Variants in PDZD2 observed in about 807,000 individuals in gnomAD.
PDZD2 encodes the protein PDZ domain containing 2.
Under a neutral mutation model 220.7 loss-of-function variants are expected in PDZD2, and 90 were observed. The ratio of observed to expected loss-of-function variants is 0.41; its 90% CI spans 0.34 to 0.49. The LOEUF is 0.49. Among genes scored for constraint, PDZD2 ranks in the 20% least tolerant of loss-of-function variants. The probability of loss-of-function intolerance (pLI) is 0.28; values close to 1 mark genes in which losing one functional copy is unlikely to be tolerated. For missense variants in PDZD2, 3,174 were observed against 3,608.5 expected (o/e 0.88, Z 3.08); for synonymous variants, 1,375 against 1,450.5 (o/e 0.95, Z 1.18).
chr5:32,007,796 G>A (rs907876922), intron 5 of PDZD2, among the ~76,000 whole-genome samples: 1 of 152,118 alleles, frequency 6.6e-6, no homozygotes, highest in South Asian at 2.1e-4. Flanking sequence ...CCATGGATTC[G>A]CTCTAGAGCC....
chr5:32,072,998 A>G (rs1426042726), intron 17 of PDZD2, among the ~76,000 whole-genome samples: 2 of 149,006 alleles, frequency 1.3e-5, no homozygotes, highest in Non-Finnish European at 3.0e-5. Context: ...AAGAACTCAT[A>G]AGAGACATAT....
At chr5:31,908,082 C>CAAAAAAAAAAAAAAAAA (rs55741622) in intron 2 of PDZD2, among the ~76,000 whole-genome samples, 1 of 76,886 alleles carries the variant, frequency 1.3e-5, no homozygotes, top group African/African-American at 5.4e-5. Flanking sequence ...GGCTCCGTCT[C>CAAAAAAAAAAAAAAAAA]AAAAAAAAAA....
At chr5:31,879,973 G>A (rs1218783731) in intron 2 of PDZD2, among the ~76,000 whole-genome samples, 2 of 148,292 alleles carry the variant, frequency 1.3e-5, no homozygotes, top group Non-Finnish European at 3.0e-5. Context: ...GAGTGCAATG[G>A]CACGATCTCA....
chr5:31,836,729 A>G (rs189457459), intron 2 of PDZD2, among the ~76,000 whole-genome samples: 9 of 152,138 alleles, frequency 5.9e-5, no homozygotes, highest in African/African-American at 2.2e-4. Flanking sequence ...AGTAAAATAA[A>G]TTATGTAGGC....
At chr5:31,805,190 T>C (rs888531221) in intron 2 of PDZD2, among the ~76,000 whole-genome samples, 1 of 152,186 alleles carries the variant, frequency 6.6e-6, no homozygotes, top group African/African-American at 2.4e-5. Flanking sequence ...AGAGCAAGAC[T>C]CTGTCTCAAA....
chr5:31,787,377 A>C lies in PDZD2; in HGVS notation c.-360-11512A>C, dbSNP rs561123273. On this transcript the variant is annotated intron_variant, in intron 1 of 24. Coordinates refer to ENST00000438447, the MANE Select transcript of PDZD2 (RefSeq NM_178140.4). ...TGACATCCTGAGTAAACAGTCTTAA[A>C]CCGCAGAGCTCACAGTTGAAGCCAC... Among the ~76,000 whole-genome samples, 17 of 152,342 alleles carry C rather than the reference A, an allele frequency of 1.1e-4. 1 individual carries two copies. In the South Asian group the frequency reaches 3.5e-3, roughly 32 times the overall value.
At chr5:31,822,451 T>G (rs1225154853) in intron 2 of PDZD2, 1 of 401,120 alleles carries the variant, frequency 2.5e-6, no homozygotes, top group Non-Finnish European at 4.7e-6. Flanking sequence ...TTTTATAGTT[T>G]TTTTTTTCCC....
At chr5:31,876,702 A>AT (rs1451919062) in intron 2 of PDZD2, among the ~76,000 whole-genome samples, 3 of 152,202 alleles carry the variant, frequency 2.0e-5, no homozygotes, top group African/African-American at 4.8e-5. Context: ...CTTCAATACT[A>AT]TTTTGAAATA....
intron 2 of PDZD2, among the ~76,000 whole-genome samples, chr5:31,979,123 C>T (rs1024933307): frequency 5.9e-5 from 9 of 152,178 alleles, no homozygotes; most frequent in African/African-American, 2.2e-4. Context: ...GAAAAGGTCT[C>T]TGCATACCAC....
At chr5:31,720,916 G>A (rs1050572521) in intron 1 of PDZD2, among the ~76,000 whole-genome samples, 1 of 152,182 alleles carries the variant, frequency 6.6e-6, no homozygotes, top group Non-Finnish European at 1.5e-5. Context: ...TTGAAGAATA[G>A]GGGTTCTGGT....
At chr5:31,813,112 T>TTA (rs1407342710) in intron 2 of PDZD2, among the ~76,000 whole-genome samples, 2 of 152,160 alleles carry the variant, frequency 1.3e-5, no homozygotes, top group Non-Finnish European at 2.9e-5. Context: ...CTTACGGTAA[T>TTA]ACTTGACGAC....
chr5:31,850,619 C>T (rs144795354), intron 2 of PDZD2, among the ~76,000 whole-genome samples: 35 of 148,478 alleles, frequency 2.4e-4, no homozygotes, highest in Non-Finnish European at 3.6e-4. Context: ...GTCGTCTTTA[C>T]ATTGTACCCA....
intron 2 of PDZD2, among the ~76,000 whole-genome samples, chr5:31,906,842 C>CA (rs35511570): frequency 0.06 from 9,087 of 150,980 alleles, 903 homozygotes; most frequent in African/African-American, 0.21. Flanking sequence ...GACTCTGTCT[C>CA]AAAAAAAAGA....
chr5:31,665,650 C>CA (rs1021177355), intron 1 of PDZD2, among the ~76,000 whole-genome samples: 2 of 117,366 alleles, frequency 1.7e-5, no homozygotes, highest in Non-Finnish European at 1.8e-5. Flanking sequence ...CCCCTCCCCC[C>CA]CCTCCCTTTC....
chr5:31,842,659 T>C (rs942447864), intron 2 of PDZD2, among the ~76,000 whole-genome samples: 4 of 152,154 alleles, frequency 2.6e-5, no homozygotes, highest in African/African-American at 9.7e-5. Flanking sequence ...TAAAATAATA[T>C]CTATCATTCC....
chr5:31,790,019 G>A lies in PDZD2; in HGVS notation c.-360-8870G>A, dbSNP rs150869909. Among the ~76,000 whole-genome samples, 385 of 152,300 alleles carry A rather than the reference G, an allele frequency of 2.5e-3. 1 individual carries two copies. The highest frequency in any genetic ancestry group is 0.01 in the Middle Eastern group (3 of 294). ...AATCCTTCTGGCCAAGAATAGCAAG[G>A]GTCCTCACTCTGGCCACCCCTTGCT... On this transcript the variant is annotated intron_variant, in intron 1 of 24. Coordinates refer to ENST00000438447, the MANE Select transcript of PDZD2 (RefSeq NM_178140.4).
chr5:31,857,326 A>AT (rs1758548156), intron 2 of PDZD2, among the ~76,000 whole-genome samples: 1 of 152,154 alleles, frequency 6.6e-6, no homozygotes, highest in Non-Finnish European at 1.5e-5. Context: ...TCTCACTGTT[A>AT]TTATGAGAAT....
intron 2 of PDZD2, among the ~76,000 whole-genome samples, chr5:31,981,141 G>A (rs964702851): frequency 2.0e-5 from 3 of 152,216 alleles, no homozygotes; most frequent in South Asian, 2.1e-4. Context: ...GTGACCTGGC[G>A]TCTGTACAGT....
intron 2 of PDZD2, among the ~76,000 whole-genome samples, chr5:31,963,389 G>C (rs1748424432): frequency 6.6e-6 from 1 of 152,254 alleles, no homozygotes; most frequent in Admixed American, 6.5e-5. Flanking sequence ...TGTGACAAAT[G>C]GAGGGAAGAT....
Sources: allele counts gnomAD v4.1 joint callset (sites outside exome capture counted in the v4.1 genomes callset), GRCh38; gene constraint gnomAD v4.1.1; transcripts MANE v1.5; gene names NCBI Gene and HGNC (gene_info 2026-07-23, HGNC 2026-07-21).